PDZRN3: variants seen among roughly 807,000 people sequenced by gnomAD.
PDZRN3 encodes PDZ domain containing ring finger 3, also known as E3 ubiquitin-protein ligase PDZRN3.
PDZRN3 carries 38 observed loss-of-function variants against 85.7 expected under a neutral mutation model. That is an observed-to-expected ratio of 0.44 (90% CI 0.34 to 0.58). The LOEUF (loss-of-function observed/expected upper bound fraction) is 0.58. Ranked by LOEUF, PDZRN3 falls within the 20% of genes least tolerant of loss-of-function variation. PDZRN3 has a pLI of 0.01. For missense variants in PDZRN3, 1,629 were observed against 1,506.4 expected (o/e 1.08, Z -1.35); for synonymous variants, 759 against 638.0 (o/e 1.19, Z -2.86).
At chr3:73,407,969 G>C in intron 3 of PDZRN3, 1 of 594,146 alleles carries the variant, frequency 1.7e-6, no homozygotes, top group East Asian at 2.8e-5. Flanking sequence ...GGGACTTTGG[G>C]GTGACTGAGA....
intron 3 of PDZRN3, among the ~76,000 whole-genome samples, chr3:73,492,081 G>A: frequency 6.6e-6 from 1 of 152,160 alleles, no homozygotes; most frequent in African/African-American, 2.4e-5. Context: ...CTGAAAACTA[G>A]CAGTGAAGAA....
chr3:73,541,838 T>A (rs1704928765), intron 3 of PDZRN3, among the ~76,000 whole-genome samples: 1 of 152,214 alleles, frequency 6.6e-6, no homozygotes, highest in Non-Finnish European at 1.5e-5. Context: ...AGAGACCACA[T>A]CTTATTTTAT....
intron 3 of PDZRN3, among the ~76,000 whole-genome samples, chr3:73,570,263 GACAAA>G (rs1389813989): frequency 6.6e-6 from 1 of 152,158 alleles, no homozygotes; most frequent in Admixed American, 6.5e-5. Flanking sequence ...ATAAATGAAT[GACAAA>G]ACAAACGAAT....
chr3:73,443,501 G>GT (rs1702687727), intron 3 of PDZRN3, among the ~76,000 whole-genome samples: 1 of 127,806 alleles, frequency 7.8e-6, no homozygotes. Flanking sequence ...TTTTTTTTGG[G>GT]GGGGGGACAG....
At chr3:73,443,498 T>TTTGGG (rs57581231) in intron 3 of PDZRN3, among the ~76,000 whole-genome samples, 1,363 of 125,570 alleles carry the variant, frequency 0.011, 9 homozygotes, top group African/African-American at 0.027. Context: ...TTTTTTTTTT[T>TTTGGG]GGGGGGGGGA....
In PDZRN3 at chr3:73,624,385, C is replaced by A. The variant is rs1474674219; in HGVS notation, c.441G>T (p.Gly147=). Residue 147 remains glycine, a synonymous_variant, in exon 1 of 10, where the codon GGG becomes GGT. Transcript: ENST00000263666. Reference sequence around the variant, plus strand: ...GCTGCTCGCCGTGCGTCAAGGGTAGCCCGCAGCCCTCCTGGCAGCGGCCCA... The same window carrying A: ...GCTGCTCGCCGTGCGTCAAGGGTAGACCGCAGCCCTCCTGGCAGCGGCCCA... ...RPVGRCQEGC[G]LPLTHGEQRA... 1 of 1,310,916 alleles carries A rather than the reference C, an allele frequency of 7.6e-7. No homozygotes were observed. The highest frequency in any genetic ancestry group is 9.7e-7 in the Non-Finnish European group (1 of 1,036,232). The allele number at this position is 1,310,916 out of a possible 1,614,324, so 81.2% of individuals were successfully genotyped here. A position where few individuals can be genotyped will look rare whatever the true frequency, so the allele number is the denominator to read the frequency against.
intron 3 of PDZRN3, among the ~76,000 whole-genome samples, chr3:73,552,548 TGTGA>T (rs1334693811): frequency 6.6e-6 from 1 of 152,114 alleles, no homozygotes; most frequent in Non-Finnish European, 1.5e-5. Context: ...TTTTTGCGCA[TGTGA>T]GTGTGTGTGT....
chr3:73,550,724 T>C (rs1282077830), intron 3 of PDZRN3, among the ~76,000 whole-genome samples: 2 of 152,152 alleles, frequency 1.3e-5, no homozygotes, highest in African/African-American at 4.8e-5. Flanking sequence ...TGGTCTAATA[T>C]CAGGTTTGTG....
At chr3:73,494,161 A>G (rs1482852963) in intron 3 of PDZRN3, among the ~76,000 whole-genome samples, 1 of 152,238 alleles carries the variant, frequency 6.6e-6, no homozygotes, top group Non-Finnish European at 1.5e-5. Flanking sequence ...CCTGCCCGAT[A>G]GAATCTTTCT....
chr3:73,473,750 C>T (rs1346020234), intron 3 of PDZRN3, among the ~76,000 whole-genome samples: 1 of 152,200 alleles, frequency 6.6e-6, no homozygotes, highest in African/African-American at 2.4e-5. Context: ...TGGTGAGGAA[C>T]TGAGGCCTCT....
chr3:73,452,423 C>T (rs1371260507), intron 3 of PDZRN3, among the ~76,000 whole-genome samples: 3 of 152,166 alleles, frequency 2.0e-5, no homozygotes, highest in African/African-American at 7.2e-5. Flanking sequence ...AGAGAGTTCT[C>T]CAAAACTGGT....
chr3:73,419,228 G>C (rs1283701296), intron 3 of PDZRN3, among the ~76,000 whole-genome samples: 1 of 152,188 alleles, frequency 6.6e-6, no homozygotes, highest in Non-Finnish European at 1.5e-5. Context: ...TTCAGAGAGA[G>C]AGAGGGGAGT....
intron 1 of PDZRN3, among the ~76,000 whole-genome samples, chr3:73,615,774 G>GTTTCTGGTATTTCTGTT (rs1279555220): frequency 6.6e-6 from 1 of 152,150 alleles, no homozygotes; most frequent in Non-Finnish European, 1.5e-5. Context: ...AGACAGAGTG[G>GTTTCTGGTATTTCTGTT]TTTCTGGTAT....
intron 3 of PDZRN3, among the ~76,000 whole-genome samples, chr3:73,467,369 G>A (rs1703241580): frequency 6.6e-6 from 1 of 152,164 alleles, no homozygotes; most frequent in Admixed American, 6.5e-5. Flanking sequence ...TGACACACAC[G>A]CTCAAATACA....
rs756197620 is a variant in PDZRN3 at position 73,384,240 on chromosome 3, C to G, written c.2326G>C (p.Asp776His). The change falls in exon 10 of 10, where the codon GAC (aspartate) becomes CAC (histidine). Residue 776 changes from aspartate (D) to histidine (H), a missense_variant. Transcript: ENST00000263666. ...TCCGCCGCTCTCCTCAAGGAGTTGT[C>G]GGGGGAGATCTCCAGGGTGAGCGGG... ...STPLTLEISP[D>H]NSLRRAAEGI... 11 of 1,613,458 alleles carry G rather than the reference C, an allele frequency of 6.8e-6. No homozygotes were observed. Among genetic ancestry groups the G allele is most frequent in the Non-Finnish European group, 9.3e-6 (11 of 1,179,954 alleles).
chr3:73,544,263 T>TG (rs1309571312), intron 3 of PDZRN3, among the ~76,000 whole-genome samples: 1 of 152,254 alleles, frequency 6.6e-6, no homozygotes, highest in African/African-American at 2.4e-5. Flanking sequence ...ACCGTTGGTG[T>TG]GTTTCTTTCT....
At chr3:73,532,645 T>C (rs1710978563) in intron 3 of PDZRN3, among the ~76,000 whole-genome samples, 1 of 152,212 alleles carries the variant, frequency 6.6e-6, no homozygotes, top group African/African-American at 2.4e-5. Context: ...TGGGTCTGCA[T>C]GACTTTAAGA....
intron 3 of PDZRN3, among the ~76,000 whole-genome samples, chr3:73,458,540 G>A (rs777356858): frequency 1.4e-5 from 2 of 146,548 alleles, no homozygotes; most frequent in Admixed American, 7.0e-5. Context: ...AGCATTTATT[G>A]AACACTTATT....
In PDZRN3 at chr3:73,586,762, C is replaced by A. The variant is rs989619615; in HGVS notation, c.918+15592G>T. 4.6e-5 allele frequency among the ~76,000 whole-genome samples: 7 copies of A among 152,190 alleles called. 1 individual carries two copies. The highest frequency in any genetic ancestry group is 1.0e-4 in the Non-Finnish European group (7 of 68,042). On this transcript the variant is annotated intron_variant, in intron 3 of 9. Transcript: ENST00000263666. Reference sequence around the variant, plus strand: ...ATCAAGCTGATACAAATCTCCTCAACTGGAGATGAAATTACCCTGCACACC... The same window carrying A: ...ATCAAGCTGATACAAATCTCCTCAAATGGAGATGAAATTACCCTGCACACC...
Sources: allele counts gnomAD v4.1 joint callset (sites outside exome capture counted in the v4.1 genomes callset), GRCh38; gene constraint gnomAD v4.1.1; transcripts MANE v1.5; gene names NCBI Gene and HGNC (gene_info 2026-07-23, HGNC 2026-07-21).